Variants in TMEM223 observed in about 807,000 individuals in gnomAD.
TMEM223 encodes transmembrane protein 223.
In TMEM223, 14 loss-of-function variants were observed where a neutral mutation model predicts 14.1. That is an observed-to-expected ratio of 0.99 (90% CI 0.66 to 1.55). The LOEUF is 1.55. Ranked by LOEUF, TMEM223 falls within the 40% of genes most tolerant of loss-of-function variation. The pLI is 0.00. For synonymous variants in TMEM223, 145 were observed against 120.5 expected, an observed-to-expected ratio of 1.20 and a Z score of -1.33; for missense variants, 346 against 269.9, an observed-to-expected ratio of 1.28 and a Z score of -1.97.
chr11:62,786,659 C>T, downstream of TMEM223: 1 of 1,610,836 alleles, frequency 6.2e-7, no homozygotes, highest in Middle Eastern at 1.7e-4. Context: ...GGGGGCGGTG[C>T]AGAACCCAGC....
downstream of TMEM223, among the ~76,000 whole-genome samples, chr11:62,783,015 A>G (rs1471233795): frequency 6.6e-6 from 1 of 152,214 alleles, no homozygotes; most frequent in Non-Finnish European, 1.5e-5. Flanking sequence ...AAAGTCCTAT[A>G]TGGCAGATAC....
chr11:62,778,413 C>T (rs753760187), intron 1 of TMEM223: 48 of 1,530,026 alleles, frequency 3.1e-5, no homozygotes, highest in South Asian at 6.8e-5. Flanking sequence ...TATGTGCCCC[C>T]GAGTCTGCGT....
At chr11:62,785,237 G>A (rs1373666529), downstream of TMEM223, among the ~76,000 whole-genome samples, 2 of 151,658 alleles carry the variant, frequency 1.3e-5, no homozygotes, top group African/African-American at 4.8e-5. Context: ...TGTCACCCAG[G>A]CTGGAGTGCA....
At chr11:62,789,935 AG>A, downstream of TMEM223, 1 of 1,614,072 alleles carries the variant, frequency 6.2e-7, no homozygotes, top group Non-Finnish European at 8.5e-7. Flanking sequence ...TTGGTGCTCC[AG>A]GTCGTGCAGT....
Position 62,790,576 on chromosome 11 carries a change from A to C in TMEM223, c.*47T>G, listed in dbSNP as rs769042047. On this transcript the variant is annotated 3_prime_UTR_variant, in exon 2 of 2. Transcript: ENST00000307366. ...CAACACACCTGGCTCCCCAAGGTTC[A>C]GTTTTTATCCTCCTCTTGGAGAGGT... 7.2e-6 allele frequency: 11 copies of C among 1,533,786 alleles called. No homozygotes were observed. Among genetic ancestry groups the C allele is most frequent in the Non-Finnish European group, 9.7e-6 (11 of 1,130,696 alleles).
At chr11:62,786,273 T>G, downstream of TMEM223, 1 of 1,613,586 alleles carries the variant, frequency 6.2e-7, no homozygotes. Flanking sequence ...GTAGAACGAG[T>G]CCTGTACCCA....
chr11:62,778,196 G>A, intron 1 of TMEM223: 1 of 1,613,678 alleles, frequency 6.2e-7, no homozygotes, highest in Non-Finnish European at 8.5e-7. Context: ...GTGATGGGCT[G>A]GCTGGTGGAA....
chr11:62,778,454 G>T, intron 1 of TMEM223: 1 of 1,276,186 alleles, frequency 7.8e-7, no homozygotes, highest in Non-Finnish European at 1.1e-6. Flanking sequence ...CCTGCCTTGT[G>T]CCATGGTCTG....
At chr11:62,786,083 G>A (rs1419983170), downstream of TMEM223, 3 of 707,498 alleles carry the variant, frequency 4.2e-6, no homozygotes, top group Admixed American at 7.1e-5. Flanking sequence ...CCAATGCCTA[G>A]CTTAGGTATA....
At chr11:62,778,015 T>C in intron 1 of TMEM223, 1 of 1,614,196 alleles carries the variant, frequency 6.2e-7, no homozygotes, top group Non-Finnish European at 8.5e-7. Context: ...GCACTGCCCA[T>C]GCGCCCCGCC....
At chr11:62,780,335 A>AC (rs770549921) in intron 1 of TMEM223, among the ~76,000 whole-genome samples, 7 of 149,760 alleles carry the variant, frequency 4.7e-5, no homozygotes, top group Non-Finnish European at 8.9e-5. Flanking sequence ...ACATGGTGAA[A>AC]CCCCGTCTCT....
chr11:62,782,887 A>C (rs1359684558), downstream of TMEM223: 3 of 1,594,076 alleles, frequency 1.9e-6, no homozygotes, highest in African/African-American at 2.7e-5. Flanking sequence ...GAAAAATAGT[A>C]CTTGTGCATC....
intron 1 of TMEM223, chr11:62,777,883 G>C: frequency 7.0e-7 from 1 of 1,418,594 alleles, no homozygotes; most frequent in Non-Finnish European, 9.5e-7. Flanking sequence ...CTTCAAACGT[G>C]GGCTCTCTGC....
At chr11:62,771,367 A>G, downstream of TMEM223, 1 of 153,040 alleles carries the variant, frequency 6.5e-6, no homozygotes, top group Non-Finnish European at 1.5e-5. Flanking sequence ...GACTGGCTGT[A>G]TTGGGGAGGG....
chr11:62,781,275 T>C (rs1480034235), intron 1 of TMEM223, among the ~76,000 whole-genome samples: 1 of 151,802 alleles, frequency 6.6e-6, no homozygotes, highest in Non-Finnish European at 1.5e-5. Flanking sequence ...AAAAGTCTAT[T>C]CCTCCACCTA....
chr11:62,791,614 T>C, intron 1 of TMEM223, 65 bp downstream of exon 1: 1 of 1,437,780 alleles, frequency 7.0e-7, no homozygotes, highest in Non-Finnish European at 9.2e-7. Flanking sequence ...TCTCCCTGCC[T>C]GTATAGGGAA....
chr11:62,787,358 C>A (rs2134733548), downstream of TMEM223: 5 of 1,537,358 alleles, frequency 3.3e-6, no homozygotes, highest in Non-Finnish European at 4.3e-6. Context: ...TCTCCACCTT[C>A]GTGGGTCGCG....
downstream of TMEM223, chr11:62,787,033 C>T: frequency 1.3e-6 from 2 of 1,508,402 alleles, no homozygotes; most frequent in South Asian, 2.5e-5. Flanking sequence ...GGCACCCCGG[C>T]AGCAGGGCCC....
chr11:62,783,979 A>T (rs1038471154), downstream of TMEM223, among the ~76,000 whole-genome samples: 2 of 15,104 alleles, frequency 1.3e-4, no homozygotes, highest in Admixed American at 8.1e-4. Flanking sequence ...GAATCTTGCC[A>T]AGATGGCGCC....
Sources: allele counts gnomAD v4.1 joint callset (sites outside exome capture counted in the v4.1 genomes callset), GRCh38; gene constraint gnomAD v4.1.1; transcripts MANE v1.5; gene names NCBI Gene and HGNC (gene_info 2026-07-23, HGNC 2026-07-21).